The following C1D variants were observed in gnomAD, a reference collection of about 807,000 sequenced individuals.
C1D encodes C1D nuclear receptor corepressor, also known as nuclear nucleic acid-binding protein C1D.
A neutral mutation model predicts 17.5 loss-of-function variants in C1D; 10 were observed. That is an observed-to-expected ratio of 0.57 (90% confidence interval 0.35 to 0.97). The LOEUF is 0.97. C1D is among the 50% of genes least tolerant of loss of function. The probability of loss-of-function intolerance (pLI) is 0.01; values close to 1 mark genes in which losing one functional copy is unlikely to be tolerated. For missense variants in C1D, 136 were observed against 160.1 expected (o/e 0.85, Z 0.81); for synonymous variants, 49 against 54.0 (o/e 0.91, Z 0.40).
rs1670961334 is a variant in C1D at position 68,041,622 on chromosome 2, TAG to T, written c.*1265_*1266del. On this transcript the variant is annotated 3_prime_UTR_variant, in exon 5 of 5. Coordinates refer to ENST00000410067, the MANE Select transcript of C1D (RefSeq NM_173177.3). ...TCAGTGACTTCCTCTTCATGTGTCA[TAG>T]AAAGAGTTCAACATGCTTTACAAAA... is the stretch of plus-strand genomic sequence containing the variant. 1 of 152,076 alleles carries T rather than the reference TAG, an allele frequency of 6.6e-6. No individual in the cohort carries two copies. The highest frequency in any genetic ancestry group is 1.5e-5 in the Non-Finnish European group (1 of 67,898). The allele number at this position is 152,076 out of a possible 1,614,324, so 9.4% of individuals were successfully genotyped here.
At chr2:68,045,225 C>A (rs1671086368) in intron 4 of C1D, among the ~76,000 whole-genome samples, 1 of 152,058 alleles carries the variant, frequency 6.6e-6, no homozygotes, top group South Asian at 2.1e-4. Context: ...AACTTGAGAA[C>A]AAGAATACAA....
intron 1 of C1D, among the ~76,000 whole-genome samples, chr2:68,051,582 C>T (rs1350254824): frequency 6.6e-6 from 1 of 152,106 alleles, no homozygotes; most frequent in African/African-American, 2.4e-5. Flanking sequence ...CCTGACTGCC[C>T]GTCACCTTCT....
chr2:68,052,963 C>A, intron 1 of C1D: 1 of 1,462,048 alleles, frequency 6.8e-7, no homozygotes. Flanking sequence ...TGCACTTGTT[C>A]ATCTAAACCT....
intron 1 of C1D, chr2:68,053,044 AG>A (rs1175977065): frequency 6.5e-7 from 1 of 1,547,264 alleles, no homozygotes; most frequent in East Asian, 2.4e-5. Flanking sequence ...AAATTTCCAA[AG>A]AAGAAAAGAA....
intron 4 of C1D, among the ~76,000 whole-genome samples, chr2:68,043,832 T>G (rs1056470499): frequency 4.6e-5 from 7 of 152,226 alleles, no homozygotes. Context: ...CTTAAAATGT[T>G]TTCATTGTGA....
chr2:68,060,590 C>A (rs1671594105), intron 1 of C1D, among the ~76,000 whole-genome samples: 1 of 151,772 alleles, frequency 6.6e-6, no homozygotes, highest in South Asian at 2.1e-4. Context: ...TTGCAGTGAG[C>A]CGAGATTGTG....
intron 1 of C1D, among the ~76,000 whole-genome samples, chr2:68,051,252 C>G (rs1321060335): frequency 1.3e-5 from 2 of 152,182 alleles, no homozygotes; most frequent in Non-Finnish European, 2.9e-5. Flanking sequence ...GGCCTGGTGG[C>G]TCATGCCTGT....
intron 1 of C1D, among the ~76,000 whole-genome samples, chr2:68,050,476 T>C (rs1671248990): frequency 6.6e-6 from 1 of 152,182 alleles, no homozygotes; most frequent in Non-Finnish European, 1.5e-5. Flanking sequence ...AAATTGCACT[T>C]GGCAAGGTCA....
intron 4 of C1D, among the ~76,000 whole-genome samples, chr2:68,045,487 G>T (rs959095434): frequency 1.3e-5 from 2 of 152,128 alleles, no homozygotes; most frequent in African/African-American, 4.8e-5. Flanking sequence ...ATTACAGGTT[G>T]TAAATATGTC....
Position 68,047,332 on chromosome 2 carries a change from A to G in C1D, c.-9-13T>C. 1 of 1,594,216 alleles carries G rather than the reference A, an allele frequency of 6.3e-7. No individual in the cohort carries two copies. Among genetic ancestry groups the G allele is most frequent in the Non-Finnish European group, 8.5e-7 (1 of 1,172,418 alleles). On this transcript the variant is annotated splice_polypyrimidine_tract_variant and intron_variant, in intron 1 of 4. Coordinates refer to ENST00000410067, the MANE Select transcript of C1D (RefSeq NM_173177.3). Reference sequence around the variant, plus strand: ...CCATTATGGCTGACTGGAAAAAATTAAATTCTTTGAATTCATATTAGAGAC... The same window carrying G: ...CCATTATGGCTGACTGGAAAAAATTGAATTCTTTGAATTCATATTAGAGAC...
At chr2:68,054,687 C>A (rs986508338) in intron 1 of C1D, among the ~76,000 whole-genome samples, 1 of 152,034 alleles carries the variant, frequency 6.6e-6, no homozygotes, top group Non-Finnish European at 1.5e-5. Context: ...CACAGCCAGG[C>A]ACCATGGCTC....
chr2:68,061,160 G>C (rs570662690), intron 1 of C1D, among the ~76,000 whole-genome samples: 1 of 152,286 alleles, frequency 6.6e-6, no homozygotes, highest in African/African-American at 2.4e-5. Flanking sequence ...TGTTGCACCA[G>C]AATTCTATTA....
chr2:68,047,384 A>G, intron 1 of C1D, 65 bp from the exon 2 acceptor site: 1 of 1,320,486 alleles, frequency 7.6e-7, no homozygotes, highest in South Asian at 1.6e-5. Context: ...TTTCCAAAAA[A>G]AAAAATCAAT....
Position 68,062,317 on chromosome 2 carries a change from G to A in C1D, c.-10+641C>T, listed in dbSNP as rs116067711. The stretch of plus-strand genomic sequence containing the variant: ...ATTGCGACAAATACATCTTTATCAA[G>A]CCAAAACTGAACTGTAGTCAGCAAA... On this transcript the variant is annotated intron_variant, in intron 1 of 4. Transcript: ENST00000410067. Among the ~76,000 whole-genome samples the A allele has an allele frequency of 2.7e-3, 407 of 152,294 alleles. 1 individual carries two copies. Among genetic ancestry groups the A allele is most frequent in the African/African-American group, 9.4e-3 (392 of 41,560 alleles).
chr2:68,041,174 T>C lies in C1D; in HGVS notation c.*1715A>G, dbSNP rs981807296. On this transcript the variant is annotated 3_prime_UTR_variant, in exon 5 of 5. Coordinates refer to ENST00000410067, the MANE Select transcript of C1D (RefSeq NM_173177.3). ...ATTACGTGCTAAGTATTTAAAATTA[T>C]ACATAATAAAATGGAATATACTCAA... The C allele has an allele frequency of 5.9e-5, 9 of 152,000 alleles. No homozygotes were observed. The highest frequency in any genetic ancestry group is 2.2e-4 in the African/African-American group (9 of 41,432). 9.4% of individuals were successfully genotyped at this position (152,000 alleles called of 1,614,324 possible). A position where few individuals can be genotyped will look rare whatever the true frequency, so the allele number is the denominator to read the frequency against.
intron 1 of C1D, among the ~76,000 whole-genome samples, chr2:68,059,849 G>A (rs996365496): frequency 2.0e-5 from 3 of 152,108 alleles, no homozygotes; most frequent in African/African-American, 7.2e-5. Flanking sequence ...CTCCTTTAAC[G>A]ACTGTCTCCG....
At chr2:68,056,021 A>G (rs1262764324) in intron 1 of C1D, among the ~76,000 whole-genome samples, 4 of 152,216 alleles carry the variant, frequency 2.6e-5, no homozygotes, top group African/African-American at 9.6e-5. Context: ...GGTGCTCACT[A>G]CATCTGTGAT....
intron 1 of C1D, among the ~76,000 whole-genome samples, 196 bp from the exon 2 acceptor site, chr2:68,047,515 G>C (rs1671164202): frequency 6.6e-6 from 1 of 152,196 alleles, no homozygotes; most frequent in Admixed American, 6.5e-5. Context: ...TTGGGGGGCT[G>C]TGGAAGAAGA....
chr2:68,056,902 T>C (rs1671453148), intron 1 of C1D, among the ~76,000 whole-genome samples: 1 of 152,186 alleles, frequency 6.6e-6, no homozygotes, highest in Non-Finnish European at 1.5e-5. Flanking sequence ...CCTAGCAATT[T>C]TACTTCTCAA....
Sources: allele counts gnomAD v4.1 joint callset (sites outside exome capture counted in the v4.1 genomes callset), GRCh38; gene constraint gnomAD v4.1.1; transcripts MANE v1.5; gene names NCBI Gene and HGNC (gene_info 2026-07-23, HGNC 2026-07-21).